GDPD5: variants seen among roughly 807,000 people sequenced by gnomAD.
GDPD5 encodes glycerophosphodiester phosphodiesterase 2.
In GDPD5, 48 loss-of-function variants were observed where a neutral mutation model predicts 75.1. The observed-to-expected ratio is 0.64, with a 90% CI of 0.51 to 0.81. The LOEUF is 0.81. Ranked by LOEUF, GDPD5 falls within the 40% of genes least tolerant of loss-of-function variation. GDPD5 has a pLI of 0.00. For missense variants in GDPD5, 706 were observed against 822.6 expected (o/e 0.86, Z 1.73); for synonymous variants, 336 against 339.0 (o/e 0.99, Z 0.10).
chr11:75,449,986 G>A lies in GDPD5; in HGVS notation c.376-3C>T. 6.2e-7 allele frequency: 1 copy of A among 1,613,044 alleles called. No individual in the cohort carries two copies. Among genetic ancestry groups the A allele is most frequent in the Non-Finnish European group, 8.5e-7 (1 of 1,179,598 alleles). On this transcript the variant is annotated splice_region_variant and splice_polypyrimidine_tract_variant and intron_variant, in intron 6 of 16. Transcript: ENST00000336898. ...GCCAGGATGACCACCAGCCCGATCT[G>A]GAGGGGGAAGAGTCACCGGACAGAG...
In GDPD5 at chr11:75,444,481, G is replaced by A; in HGVS notation, c.729C>T (p.His243=). 6.2e-7 allele frequency: 1 copy of A among 1,613,494 alleles called. No homozygotes were observed. Residue 243 remains histidine, a synonymous_variant, in exon 10 of 17, where the codon CAC becomes CAT. Coordinates refer to ENST00000336898, the MANE Select transcript of GDPD5 (RefSeq NM_030792.8). ...GGGCCTTCCGGAAGGACATGAGCGTGTGCTCTGGAGCCAGCTGGGGAAGAA... is the reference window on the plus strand; with the variant it reads ...GGGCCTTCCGGAAGGACATGAGCGTATGCTCTGGAGCCAGCTGGGGAAGAA... ...HRGAPMLAPE[H]TLMSFRKALE... is the part of the protein sequence containing the mutation.
chr11:75,501,584 C>T (rs1227243321), intron 1 of GDPD5, among the ~76,000 whole-genome samples: 1 of 152,194 alleles, frequency 6.6e-6, no homozygotes, highest in African/African-American at 2.4e-5. Flanking sequence ...CAGGCTGGTG[C>T]TCGGGGCTCC....
At chr11:75,517,642 C>T (rs1007553179) in intron 1 of GDPD5, among the ~76,000 whole-genome samples, 5 of 152,100 alleles carry the variant, frequency 3.3e-5, no homozygotes, top group African/African-American at 1.2e-4. Flanking sequence ...GTGCCATCCT[C>T]ACTGGCACTG....
At position 75,439,871 on chromosome 11, in the gene GDPD5, C is replaced by A. The variant is rs749424530; in HGVS notation, c.1556+8G>T. 2 of 1,611,772 alleles carry A rather than the reference C, an allele frequency of 1.2e-6. No homozygotes were observed. The highest frequency in any genetic ancestry group is 2.7e-5 in the African/African-American group (2 of 74,886). ...GGACAGCCACGGAAGTGGTCAGATC[C>A]TACTCACTTCTGGAGCACGAAGATG... On this transcript the variant is annotated splice_region_variant and intron_variant, in intron 15 of 16. Coordinates refer to ENST00000336898, the MANE Select transcript of GDPD5 (RefSeq NM_030792.8).
chr11:75,463,622 G>C (rs1198491352), intron 3 of GDPD5, among the ~76,000 whole-genome samples: 1 of 152,190 alleles, frequency 6.6e-6, no homozygotes, highest in East Asian at 1.9e-4. Flanking sequence ...GAGATCATCA[G>C]AACAAGTCAA....
At position 75,468,684 on chromosome 11, in the gene GDPD5, C is replaced by CCA. The variant is rs576390582; in HGVS notation, c.118-5796_118-5795insTG. Among the ~76,000 whole-genome samples the CCA allele has an allele frequency of 4.4e-4, 67 of 152,242 alleles. No individual in the cohort carries two copies. In the East Asian group the frequency reaches 8.7e-3, roughly 20 times the overall value. ...AGTTACTGCCCTCCCCCGACGCCCC[C>CCA]CCCCCGGGAGGTGGAGCTGAAATCT... is the stretch of plus-strand genomic sequence containing the variant. On this transcript the variant is annotated intron_variant, in intron 3 of 16. Coordinates refer to ENST00000336898, the MANE Select transcript of GDPD5 (RefSeq NM_030792.8).
intron 4 of GDPD5, among the ~76,000 whole-genome samples, chr11:75,459,312 A>G (rs1949361150): frequency 6.6e-6 from 1 of 150,784 alleles, no homozygotes; most frequent in Non-Finnish European, 1.5e-5. Context: ...TACAGATACA[A>G]TTATAGGGTC....
intron 9 of GDPD5, among the ~76,000 whole-genome samples, chr11:75,447,991 T>C (rs1450736595): frequency 2.6e-5 from 4 of 151,882 alleles, no homozygotes; most frequent in African/African-American, 9.7e-5. Context: ...ATCGAGAAAA[T>C]AATACCCACC....
intron 3 of GDPD5, among the ~76,000 whole-genome samples, chr11:75,474,589 T>C (rs1441366663): frequency 6.6e-6 from 1 of 152,062 alleles, no homozygotes; most frequent in Non-Finnish European, 1.5e-5. Context: ...TGCTTCTTTA[T>C]TTGTTAAGCG....
intron 6 of GDPD5, chr11:75,451,386 G>C (rs1027428335): frequency 2.1e-4 from 32 of 152,384 alleles, no homozygotes; most frequent in African/African-American, 7.7e-4. Flanking sequence ...GCGGAGGCAC[G>C]AGCATCCTCA....
intron 1 of GDPD5, among the ~76,000 whole-genome samples, chr11:75,502,489 A>G (rs1950318866): frequency 6.6e-6 from 1 of 152,214 alleles, no homozygotes; most frequent in Non-Finnish European, 1.5e-5. Context: ...TGTTCTAGGC[A>G]TTTCCTGTGT....
intron 1 of GDPD5, among the ~76,000 whole-genome samples, chr11:75,519,957 T>G (rs1950721500): frequency 6.6e-6 from 1 of 152,236 alleles, no homozygotes; most frequent in African/African-American, 2.4e-5. Flanking sequence ...GCCAGACGGC[T>G]TCTCCCACCT....
intron 9 of GDPD5, among the ~76,000 whole-genome samples, chr11:75,445,627 G>A (rs1948967172): frequency 6.6e-6 from 1 of 152,190 alleles, no homozygotes; most frequent in South Asian, 2.1e-4. Flanking sequence ...GGTGAGGTGG[G>A]AAGGATTCCC....
chr11:75,493,651 G>C (rs1345635044), intron 1 of GDPD5, among the ~76,000 whole-genome samples: 1 of 152,124 alleles, frequency 6.6e-6, no homozygotes, highest in Non-Finnish European at 1.5e-5. Flanking sequence ...TGAGGAGGGA[G>C]ATGGATGCTG....
chr11:75,441,884 G>GAGTTA lies in GDPD5; in HGVS notation c.1168-82_1168-81insTAACT, dbSNP rs1425059842. 13 of 1,391,162 alleles carry GAGTTA rather than the reference G, an allele frequency of 9.3e-6. No individual in the cohort carries two copies. In the East Asian group the frequency reaches 3.0e-4, roughly 32 times the overall value. The allele number at this position is 1,391,162 out of a possible 1,614,324, so 86.2% of individuals were successfully genotyped here. Reference sequence around the variant, plus strand: ...ACCTACTCCTCCTAGAGCACCTGTGGGGTTAAGAGACAGGACCTGGCAGGC... The same window carrying GAGTTA: ...ACCTACTCCTCCTAGAGCACCTGTGGAGTTAGGTTAAGAGACAGGACCTGGCAGGC... On this transcript the variant is annotated intron_variant, in intron 12 of 16. Coordinates refer to ENST00000336898, the MANE Select transcript of GDPD5 (RefSeq NM_030792.8).
At chr11:75,456,626 G>T in intron 6 of GDPD5, 131 bp downstream of exon 6, 1 of 822,488 alleles carries the variant, frequency 1.2e-6, no homozygotes. Context: ...CATAGTGAGT[G>T]CTCAGCCTTA....
intron 3 of GDPD5, among the ~76,000 whole-genome samples, chr11:75,475,606 G>A (rs556569043): frequency 6.6e-6 from 1 of 152,252 alleles, no homozygotes; most frequent in African/African-American, 2.4e-5. Flanking sequence ...CTGGGAACCA[G>A]GAAGTAGGAG....
intron 1 of GDPD5, among the ~76,000 whole-genome samples, chr11:75,509,908 G>A (rs2135480802): frequency 6.6e-6 from 1 of 152,350 alleles, no homozygotes; most frequent in East Asian, 1.9e-4. Context: ...TCGAACTCCT[G>A]ACCTCAAGTG....
intron 1 of GDPD5, among the ~76,000 whole-genome samples, chr11:75,520,149 G>A (rs1264996988): frequency 6.6e-6 from 1 of 152,178 alleles, no homozygotes; most frequent in Non-Finnish European, 1.5e-5. Context: ...GTCCCCCTAA[G>A]GGAAGGCCTC....
Sources: allele counts gnomAD v4.1 joint callset (sites outside exome capture counted in the v4.1 genomes callset), GRCh38; gene constraint gnomAD v4.1.1; transcripts MANE v1.5; gene names NCBI Gene and HGNC (gene_info 2026-07-23, HGNC 2026-07-21).